The following U2AF2 variants were observed in gnomAD, a reference collection of about 807,000 sequenced individuals.
The protein encoded by U2AF2 is splicing factor U2AF 65 kDa subunit.
A neutral mutation model predicts 52.6 loss-of-function variants in U2AF2; 6 were observed. The observed-to-expected ratio is 0.11, with a 90% confidence interval of 0.06 to 0.23. The LOEUF (loss-of-function observed/expected upper bound fraction) is 0.23, where lower values mean the gene tolerates loss of function less well. Ranked by LOEUF, U2AF2 falls within the 10% of genes least tolerant of loss-of-function variation. The pLI, the probability that U2AF2 is intolerant of heterozygous loss-of-function variation, is 1.00. For missense variants in U2AF2, 222 were observed against 677.1 expected, an observed-to-expected ratio of 0.33 and a Z score of 7.46; for synonymous variants, 284 against 258.2, an observed-to-expected ratio of 1.10 and a Z score of -0.96.
chr19:55,665,836 A>T (rs1489347342), intron 7 of U2AF2, among the ~76,000 whole-genome samples: 1 of 152,170 alleles, frequency 6.6e-6, no homozygotes, highest in Non-Finnish European at 1.5e-5. Flanking sequence ...TTTAGTAGAG[A>T]TGGGGTTTCA....
At position 55,668,735 on chromosome 19, in the gene U2AF2, G is replaced by C; in HGVS notation, c.888G>C (p.Thr296=). Residue 296 remains threonine, a synonymous_variant, in exon 9 of 12, where the codon ACG becomes ACC. Transcript: ENST00000308924. The surrounding 1 kb of genome is among the most constrained non-coding windows in gnomAD (Gnocchi z 5.5). The part of the protein sequence containing the change: ...KAFNLVKDSA[T]GLSKGYAFCE... ...TCAACCTGGTCAAGGACAGTGCCAC[G>C]GGGCTCTCCAAGGGCTACGCCTTCT... 1.2e-6 allele frequency: 2 copies of C among 1,613,592 alleles called. No homozygotes were observed. Among genetic ancestry groups the C allele is most frequent in the Non-Finnish European group, 1.7e-6 (2 of 1,179,788 alleles).
chr19:55,656,650 C>T (rs1017345567), intron 1 of U2AF2, among the ~76,000 whole-genome samples: 2 of 152,206 alleles, frequency 1.3e-5, no homozygotes, highest in African/African-American at 4.8e-5. Context: ...CTAAGTGGAT[C>T]CTTTTAACAG....
At chr19:55,672,944 ATAAT>A (rs1985015379) in intron 11 of U2AF2, among the ~76,000 whole-genome samples, 1 of 150,738 alleles carries the variant, frequency 6.6e-6, no homozygotes. Context: ...CGCCCGGCCA[ATAAT>A]TTTTTTTTTT....
At chr19:55,669,400 G>A in intron 10 of U2AF2, 44 bp from the exon 11 acceptor site, 1 of 1,562,368 alleles carries the variant, frequency 6.4e-7, no homozygotes, top group Non-Finnish European at 8.7e-7. Context: ...AGGGAGACTG[G>A]GTCTGGGCCC....
In U2AF2 at chr19:55,674,136, C is replaced by T; in HGVS notation, c.*68C>T. ...CTCCCCACTCCCGCCCCCCCCTTAT[C>T]CCCCTCTGAAGACGATGGGCAGAGG... On this transcript the variant is annotated 3_prime_UTR_variant, in exon 12 of 12. Coordinates refer to ENST00000308924, the MANE Select transcript of U2AF2 (RefSeq NM_007279.3). 2.0e-6 allele frequency: 3 copies of T among 1,491,614 alleles called. No homozygotes were observed. The highest frequency in any genetic ancestry group is 1.4e-5 in the African/African-American group (1 of 71,254). The allele number at this position is 1,491,614 out of a possible 1,614,324, so 92.4% of individuals were successfully genotyped here.
intron 5 of U2AF2, 162 bp downstream of exon 5, chr19:55,661,351 C>CACCCCCAGCCCGGCCCCT: frequency 3.9e-6 from 3 of 765,492 alleles, no homozygotes; most frequent in Non-Finnish European, 5.6e-6. Context: ...AGCCAGGGGC[C>CACCCCCAGCCCGGCCCCT]GGGCTGGGGG....
Position 55,668,367 on chromosome 19 carries a change from G to T in U2AF2, c.743-140G>T. 1.3e-6 allele frequency: 1 copy of T among 750,442 alleles called. No homozygotes were observed. The highest frequency in any genetic ancestry group is 2.1e-6 in the Non-Finnish European group (1 of 472,758). 46.5% of individuals were successfully genotyped at this position (750,442 alleles called of 1,614,324 possible). ...ACTGGTCAGATAAGGCTGGGGTGGG[G>T]TGGGCACGTGGCGACCCCTCCCTCG... On this transcript the variant is annotated intron_variant, in intron 7 of 11. Coordinates refer to ENST00000308924, the MANE Select transcript of U2AF2 (RefSeq NM_007279.3). This position sits in a 1 kb window ranked among gnomAD's most constrained non-coding sequence, Gnocchi z 5.5.
chr19:55,669,419 G>A (rs765518375), intron 10 of U2AF2, 25 bp from the exon 11 acceptor site: 11 of 1,572,476 alleles, frequency 7.0e-6, no homozygotes, highest in Non-Finnish European at 9.5e-6. Context: ...CCCCTGTGAC[G>A]CCGCTGCCTC....
chr19:55,668,402 G>C lies in U2AF2; in HGVS notation c.743-105G>C. ...GGCGACCCCTCCCTCGTCAGATCAGGCAGGAAGTGTTCTCTTTGGCAATTG... is the reference window on the plus strand; with the variant it reads ...GGCGACCCCTCCCTCGTCAGATCAGCCAGGAAGTGTTCTCTTTGGCAATTG... On this transcript the variant is annotated intron_variant, in intron 7 of 11. Transcript: ENST00000308924. This position sits in a 1 kb window ranked among gnomAD's most constrained non-coding sequence, Gnocchi z 5.5. 1 of 1,164,938 alleles carries C rather than the reference G, an allele frequency of 8.6e-7. No homozygotes were observed. Among genetic ancestry groups the C allele is most frequent in the Non-Finnish European group, 1.2e-6 (1 of 832,532 alleles). The allele number at this position is 1,164,938 out of a possible 1,614,324, so 72.2% of individuals were successfully genotyped here.
At position 55,660,217 on chromosome 19, in the gene U2AF2, C is replaced by T. The variant is rs143700858; in HGVS notation, c.226C>T (p.Leu76=). ...AGGCGCTAAAGAGGAGCACGGTGGA[C>T]TGATGTGAGCTTCTCTTCCTGCCCC... The part of the protein sequence containing the change: ...TRGAKEEHGG[L]IRSPRHEKKK... The change falls in exon 3 of 12, where the codon CTG becomes TTG. Residue 76 remains leucine, a synonymous_variant. Coordinates refer to ENST00000308924, the MANE Select transcript of U2AF2 (RefSeq NM_007279.3). The T allele has an allele frequency of 1.3e-4, 213 of 1,611,184 alleles. No homozygotes were observed. In the African/African-American group the frequency reaches 2.4e-3, roughly 18 times the overall value.
In U2AF2 at chr19:55,655,164, C is replaced by G. The variant is rs775383990; in HGVS notation, c.49+11C>G. On this transcript the variant is annotated intron_variant, in intron 1 of 11. Transcript: ENST00000308924. ...ACGAGAATAAACAAGGTGAGGGCAC[C>G]GGGGTCGCGGGGCGGAGGTGTGGGC... is the stretch of plus-strand genomic sequence containing the variant. 15 of 1,601,188 alleles carry G rather than the reference C, an allele frequency of 9.4e-6. No individual in the cohort carries two copies. The highest frequency in any genetic ancestry group is 1.3e-5 in the Non-Finnish European group (15 of 1,175,060).
intron 6 of U2AF2, 61 bp from the exon 7 acceptor site, chr19:55,663,545 C>T (rs1476019838): frequency 1.3e-6 from 2 of 1,562,482 alleles, no homozygotes. Context: ...AATCCTGGAA[C>T]ACTAGGGGCT....
chr19:55,655,667 G>C (rs529780380), intron 1 of U2AF2, among the ~76,000 whole-genome samples: 1 of 152,304 alleles, frequency 6.6e-6, no homozygotes, highest in East Asian at 1.9e-4. Context: ...GGGCAGAGCC[G>C]TTTCGGCGGA....
At chr19:55,658,816 G>T in intron 1 of U2AF2, 1 of 170,736 alleles carries the variant, frequency 5.9e-6, no homozygotes, top group Non-Finnish European at 1.2e-5. Flanking sequence ...CTGAGGGGTC[G>T]CTGGGTCCCT....
chr19:55,667,036 C>T (rs1004749109), intron 7 of U2AF2, among the ~76,000 whole-genome samples: 7 of 152,158 alleles, frequency 4.6e-5, no homozygotes, highest in African/African-American at 1.7e-4. Flanking sequence ...GGTGTGTGTT[C>T]CTGCTCCCGG....
chr19:55,657,386 CTTCTGTACGTG>C (rs1456988987), intron 1 of U2AF2, among the ~76,000 whole-genome samples: 1 of 152,218 alleles, frequency 6.6e-6, no homozygotes, highest in Non-Finnish European at 1.5e-5. Flanking sequence ...GACGGGCCAG[CTTCTGTACGTG>C]TCGCCTTCTG....
rs1359116599 is a variant in U2AF2 at position 55,655,038 on chromosome 19, C to G, written c.-67C>G. ...AGCCGAAGCCAGCGGCGGAAGTAGC[C>G]GAAGCGGCTGGAGCGGGCGGCAAGG... On this transcript the variant is annotated 5_prime_UTR_variant, in exon 1 of 12. Transcript: ENST00000308924. The G allele has an allele frequency of 3.1e-6, 5 of 1,587,814 alleles. No individual in the cohort carries two copies. The African/African-American group carries it at 6.9e-5, about 22-fold the overall frequency.
intron 11 of U2AF2, among the ~76,000 whole-genome samples, chr19:55,672,784 T>C (rs2122132493): frequency 6.6e-6 from 1 of 151,160 alleles, no homozygotes; most frequent in African/African-American, 2.4e-5. Flanking sequence ...TGGAGTGCAG[T>C]GTGCCCGCCA....
At chr19:55,657,875 C>G (rs1228940719) in intron 1 of U2AF2, among the ~76,000 whole-genome samples, 5 of 152,136 alleles carry the variant, frequency 3.3e-5, no homozygotes, top group Non-Finnish European at 5.9e-5. Context: ...AGTTTCCTTA[C>G]CCATTATGTC....
Sources: allele counts gnomAD v4.1 joint callset (sites outside exome capture counted in the v4.1 genomes callset), GRCh38; gene constraint gnomAD v4.1.1; non-coding constraint Gnocchi (gnomAD v3.1); transcripts MANE v1.5; gene names NCBI Gene and HGNC (gene_info 2026-07-23, HGNC 2026-07-21).